The following ZEB1 variants were observed in gnomAD, a reference collection of about 807,000 sequenced individuals.
The protein encoded by ZEB1 is zinc finger E-box-binding homeobox 1.
ZEB1 carries 21 observed loss-of-function variants against 84.9 expected under a neutral mutation model. The observed-to-expected ratio is 0.25, with a 90% CI of 0.18 to 0.36. The LOEUF is 0.36. Among genes scored for constraint, ZEB1 ranks in the 10% least tolerant of loss-of-function variants. ZEB1 has a pLI of 1.00. For missense variants in ZEB1, 1,104 were observed against 1,330.2 expected (o/e 0.83, Z 2.65); for synonymous variants, 420 against 471.1 (o/e 0.89, Z 1.41).
rs746675048 is a variant in ZEB1, at chr10:31,527,295, T to C, written c.*31T>C. ...TTTCTAGAAGGAAAATAAATTCTAA[T>C]TGATAATGAATTTCGTTCAATATTA... is the stretch of plus-strand genomic sequence containing the variant. On this transcript the variant is annotated 3_prime_UTR_variant, in exon 9 of 9. Coordinates refer to ENST00000424869, the MANE Select transcript of ZEB1 (RefSeq NM_001174096.2). 1.9e-6 allele frequency: 3 copies of C among 1,572,386 alleles called. No homozygotes were observed. Among genetic ancestry groups the C allele is most frequent in the South Asian group, 1.2e-5 (1 of 85,794 alleles).
At chr10:31,360,880 A>AGT in intron 1 of ZEB1, 1 of 1,184,354 alleles carries the variant, frequency 8.4e-7, no homozygotes, top group Non-Finnish European at 1.2e-6. Flanking sequence ...GTGGCGTTAC[A>AGT]GTGAGCTGCA....
At chr10:31,431,443 A>C (rs767456650) in intron 1 of ZEB1, among the ~76,000 whole-genome samples, 22 of 152,364 alleles carry the variant, frequency 1.4e-4, no homozygotes, top group Middle Eastern at 3.4e-3. Flanking sequence ...ATATCACTAC[A>C]GGACATGCCT....
chr10:31,429,538 G>T (rs963960528), intron 1 of ZEB1, among the ~76,000 whole-genome samples: 4 of 152,022 alleles, frequency 2.6e-5, no homozygotes, highest in African/African-American at 9.7e-5. Flanking sequence ...TACCAGTGGT[G>T]GAGGGTGGAA....
intron 2 of ZEB1, among the ~76,000 whole-genome samples, chr10:31,468,119 G>A (rs2137742698): frequency 6.6e-6 from 1 of 152,238 alleles, no homozygotes; most frequent in Middle Eastern, 3.4e-3. Context: ...AGCTGCCTGA[G>A]AACTGCCCCT....
intron 1 of ZEB1, among the ~76,000 whole-genome samples, chr10:31,399,328 T>C (rs1392628488): frequency 6.6e-6 from 1 of 152,086 alleles, no homozygotes; most frequent in African/African-American, 2.4e-5. Flanking sequence ...TATAGTAAAC[T>C]GAATTCCTCA....
intron 1 of ZEB1, chr10:31,381,722 A>G (rs2047670770): frequency 6.6e-6 from 1 of 151,926 alleles, no homozygotes; most frequent in Non-Finnish European, 1.5e-5. Context: ...TTAAGTATAC[A>G]TTTTCTGGCC....
chr10:31,325,987 G>A (rs2035407775), intron 1 of ZEB1, among the ~76,000 whole-genome samples: 1 of 126,668 alleles, frequency 7.9e-6, no homozygotes. Flanking sequence ...TTTTTTTTAA[G>A]TAGATAGTGC....
intron 1 of ZEB1, among the ~76,000 whole-genome samples, chr10:31,443,508 C>G (rs2059313480): frequency 6.6e-6 from 1 of 150,600 alleles, no homozygotes; most frequent in Admixed American, 6.6e-5. Flanking sequence ...GTGCGCTGCA[C>G]CCACTAACTC....
Position 31,331,095 on chromosome 10 carries a change from T to C in ZEB1, c.58+11803T>C, listed in dbSNP as rs546657465. Among the ~76,000 whole-genome samples the C allele has an allele frequency of 2.1e-3, 279 of 136,088 alleles. 2 individuals are homozygous for C. Among genetic ancestry groups the C allele is most frequent in the African/African-American group, 7.6e-3 (269 of 35,524 alleles). 89.3% of individuals were successfully genotyped at this position (136,088 alleles called of 152,430 possible). On this transcript the variant is annotated intron_variant, in intron 1 of 8. Coordinates refer to ENST00000424869, the MANE Select transcript of ZEB1 (RefSeq NM_001174096.2). The stretch of plus-strand genomic sequence containing the variant: ...TTTCTTTCTTTCTTTTTTTTTTTTT[T>C]TTTTTTTTTTTTGAGACGGAGTCTT...
chr10:31,375,970 T>G (rs967820572), intron 1 of ZEB1, among the ~76,000 whole-genome samples: 1 of 151,728 alleles, frequency 6.6e-6, no homozygotes, highest in East Asian at 1.9e-4. Flanking sequence ...AGGAAATTTA[T>G]GTCACATCTC....
At position 31,521,098 on chromosome 10, in the gene ZEB1, C is replaced by A. The variant is rs561587775; in HGVS notation, c.1766C>A (p.Pro589His). The change falls in exon 7 of 9, where the codon CCT becomes CAT. Residue 589 changes from proline (P) to histidine (H), a missense_variant. Transcript: ENST00000424869. ...GDGNLSPSQP[P>H]LKNLLSLLKA... ...GGCAATTTGTCTCCTAGTCAGCCAC[C>A]TTTAAAGAACCTCTTGTCTCTCCTA... 1.2e-6 allele frequency: 2 copies of A among 1,614,060 alleles called. No individual in the cohort carries two copies. The highest frequency in any genetic ancestry group is 2.7e-5 in the African/African-American group (2 of 75,016).
intron 1 of ZEB1, among the ~76,000 whole-genome samples, chr10:31,429,851 C>A (rs1256681403): frequency 1.4e-5 from 2 of 144,740 alleles, no homozygotes; most frequent in Non-Finnish European, 3.0e-5. Flanking sequence ...TCAAGCGATT[C>A]TCCTGCCTCA....
chr10:31,489,057 AGAG>A (rs1485278810), intron 2 of ZEB1, among the ~76,000 whole-genome samples: 1 of 151,280 alleles, frequency 6.6e-6, no homozygotes, highest in Non-Finnish European at 1.5e-5. Context: ...AGTTAATGCA[AGAG>A]GAGTATTAGA....
chr10:31,440,863 C>T (rs994284206), intron 1 of ZEB1, among the ~76,000 whole-genome samples: 30 of 152,190 alleles, frequency 2.0e-4, no homozygotes, highest in Admixed American at 1.7e-3. Flanking sequence ...CGTGAAGGAC[C>T]TCTTCAAGGA....
chr10:31,324,195 C>A (rs190977553), intron 1 of ZEB1, among the ~76,000 whole-genome samples: 2 of 152,020 alleles, frequency 1.3e-5, no homozygotes, highest in East Asian at 3.9e-4. Flanking sequence ...ATGAAGATGA[C>A]CCTGATATAA....
intron 2 of ZEB1, among the ~76,000 whole-genome samples, chr10:31,473,603 A>G (rs1442746867): frequency 6.7e-6 from 1 of 150,066 alleles, no homozygotes; most frequent in Non-Finnish European, 1.5e-5. Context: ...ATGGCTAGGA[A>G]GAATCAATAT....
At chr10:31,321,314 G>T in intron 1 of ZEB1, 1 of 1,412,836 alleles carries the variant, frequency 7.1e-7, no homozygotes, top group Non-Finnish European at 9.3e-7. Context: ...TAAAATCACT[G>T]CTTTCGTGAT....
At chr10:31,344,321 A>T (rs548440408) in intron 1 of ZEB1, among the ~76,000 whole-genome samples, 39 of 152,224 alleles carry the variant, frequency 2.6e-4, no homozygotes, top group African/African-American at 9.4e-4. Context: ...ATATTAAAAG[A>T]TTATTTGTGT....
chr10:31,404,955 C>T (rs933983286), intron 1 of ZEB1, among the ~76,000 whole-genome samples: 4 of 152,078 alleles, frequency 2.6e-5, no homozygotes, highest in African/African-American at 9.7e-5. Flanking sequence ...ACACAAGGCT[C>T]AGCTTTTTTA....
Sources: gnomAD v4.1 joint callset for allele counts (sites outside exome capture counted in the v4.1 genomes callset) on GRCh38, gnomAD v4.1.1 for gene constraint, MANE v1.5 for transcripts, NCBI Gene and HGNC (gene_info 2026-07-23, HGNC 2026-07-21) for gene names.